The following MDGA2 variants were observed in gnomAD, a reference collection of about 807,000 sequenced individuals.
The protein encoded by MDGA2 is MAM domain containing glycosylphosphatidylinositol anchor 2, also known as MAM domain-containing glycosylphosphatidylinositol anchor protein 2.
Under a neutral mutation model 117.8 loss-of-function variants are expected in MDGA2, and 40 were observed. That is an observed-to-expected ratio of 0.34 (90% CI 0.26 to 0.44). The LOEUF (loss-of-function observed/expected upper bound fraction) is 0.44. MDGA2 is among the 20% of genes least tolerant of loss of function. The pLI is 1.00. For missense variants in MDGA2, 1,123 were observed against 1,250.6 expected (o/e 0.90, Z 1.54); for synonymous variants, 452 against 439.0 (o/e 1.03, Z -0.37).
chr14:47,510,045 G>A (rs1256912325), intron 1 of MDGA2, among the ~76,000 whole-genome samples: 1 of 152,158 alleles, frequency 6.6e-6, no homozygotes, highest in Non-Finnish European at 1.5e-5. Flanking sequence ...TGTGTCTCAT[G>A]AAAATTCGTA....
At chr14:47,398,345 G>C (rs1295616899) in intron 1 of MDGA2, among the ~76,000 whole-genome samples, 26 of 152,138 alleles carry the variant, frequency 1.7e-4, no homozygotes, top group Non-Finnish European at 1.5e-5. Context: ...AAGCAGTATT[G>C]AGCCAGGCAG....
At chr14:47,348,633 G>A (rs2138342265) in intron 1 of MDGA2, among the ~76,000 whole-genome samples, 1 of 152,244 alleles carries the variant, frequency 6.6e-6, no homozygotes, top group Non-Finnish European at 1.5e-5. Context: ...GCACATTGGA[G>A]GGATGTGACT....
At chr14:47,379,235 A>G (rs1359624534) in intron 1 of MDGA2, among the ~76,000 whole-genome samples, 1 of 152,222 alleles carries the variant, frequency 6.6e-6, no homozygotes. Flanking sequence ...GGAAAGGAAC[A>G]ACTGGTAGCA....
At chr14:47,384,918 C>T (rs529282788) in intron 1 of MDGA2, among the ~76,000 whole-genome samples, 1 of 152,268 alleles carries the variant, frequency 6.6e-6, no homozygotes, top group African/African-American at 2.4e-5. Flanking sequence ...AACCATACAA[C>T]GAATACTTCT....
chr14:47,182,651 C>T (rs887912378), intron 3 of MDGA2, among the ~76,000 whole-genome samples: 1 of 152,194 alleles, frequency 6.6e-6, no homozygotes, highest in Non-Finnish European at 1.5e-5. Flanking sequence ...GTATAGCAGA[C>T]TGAGCAGACT....
chr14:47,207,866 G>C (rs552276633), intron 3 of MDGA2, among the ~76,000 whole-genome samples: 2 of 152,138 alleles, frequency 1.3e-5, no homozygotes, highest in African/African-American at 4.8e-5. Context: ...GAGATTGAAA[G>C]TAGGCTGCTT....
chr14:47,493,863 T>G (rs8019586), intron 1 of MDGA2, among the ~76,000 whole-genome samples: 69,670 of 151,898 alleles, frequency 0.46, 16,192 homozygotes, highest in East Asian at 0.61. Context: ...TCAAGAGATA[T>G]ATATAGATAT....
intron 1 of MDGA2, among the ~76,000 whole-genome samples, chr14:47,469,046 T>C (rs1893662787): frequency 1.3e-5 from 2 of 152,286 alleles, no homozygotes; most frequent in East Asian, 3.9e-4. Context: ...GAAAATTATA[T>C]ACGATGACCT....
chr14:47,549,242 A>T (rs1895529172), intron 1 of MDGA2, among the ~76,000 whole-genome samples: 1 of 152,166 alleles, frequency 6.6e-6, no homozygotes. Flanking sequence ...TCTTTTTGAA[A>T]TTCAATGATT....
chr14:47,674,445 C>A, intron 1 of MDGA2, 72 bp downstream of exon 1: 1 of 1,324,618 alleles, frequency 7.5e-7, no homozygotes, highest in South Asian at 1.3e-5. Context: ...CGGCGCGAGT[C>A]GTGCATTTTC....
At chr14:47,323,231 T>C (rs1367118733) in intron 1 of MDGA2, among the ~76,000 whole-genome samples, 1 of 148,058 alleles carries the variant, frequency 6.8e-6, no homozygotes, top group East Asian at 2.0e-4. Flanking sequence ...TGACTGTATG[T>C]AAAACTGCTA....
chr14:47,636,148 C>T (rs1417974285), intron 1 of MDGA2, among the ~76,000 whole-genome samples: 1 of 152,128 alleles, frequency 6.6e-6, no homozygotes, highest in Admixed American at 6.5e-5. Context: ...TACATCTGAT[C>T]TTTTTATGGT....
intron 4 of MDGA2, among the ~76,000 whole-genome samples, chr14:47,142,444 AAAAC>A (rs150897627): frequency 0.34 from 51,613 of 150,674 alleles, 9,583 homozygotes; most frequent in African/African-American, 0.49. Flanking sequence ...CTCCATCTCA[AAAAC>A]AAACAAACAA....
intron 1 of MDGA2, among the ~76,000 whole-genome samples, chr14:47,485,759 T>C (rs2138643308): frequency 6.6e-6 from 1 of 152,286 alleles, no homozygotes; most frequent in Non-Finnish European, 1.5e-5. Context: ...GCTTGGGCCA[T>C]GGCTTAAAGG....
At chr14:47,154,452 G>A (rs1883286842) in intron 3 of MDGA2, among the ~76,000 whole-genome samples, 1 of 152,078 alleles carries the variant, frequency 6.6e-6, no homozygotes, top group Non-Finnish European at 1.5e-5. Context: ...CCCAGGCACA[G>A]CTGCAGCCAC....
chr14:47,184,110 ATATG>A (rs937785747), intron 3 of MDGA2, among the ~76,000 whole-genome samples: 13 of 151,930 alleles, frequency 8.6e-5, no homozygotes, highest in Non-Finnish European at 1.9e-4. Flanking sequence ...GTGTATGTGT[ATATG>A]TGTGTATGTA....
Position 47,086,391 on chromosome 14 carries a change from T to C in MDGA2, c.1195+10463A>G, listed in dbSNP as rs149673743. On this transcript the variant is annotated intron_variant, in intron 6 of 16. Transcript: ENST00000399232. ...CATTGGAAGCATTTAGAATGAGCAC[T>C]GACATTGGAGGAATTTGAACAGAAT... 7.4e-3 allele frequency among the ~76,000 whole-genome samples: 1,131 copies of C among 152,196 alleles called. 13 individuals carry two copies. Among genetic ancestry groups the C allele is most frequent in the African/African-American group, 0.026 (1,081 of 41,540 alleles).
chr14:47,285,030 T>C (rs1888625594), intron 2 of MDGA2, among the ~76,000 whole-genome samples: 1 of 152,162 alleles, frequency 6.6e-6, no homozygotes, highest in Non-Finnish European at 1.5e-5. Context: ...ACCAACTCTA[T>C]TAACTAACAT....
At chr14:47,440,840 C>A (rs1265162819) in intron 1 of MDGA2, among the ~76,000 whole-genome samples, 1 of 151,950 alleles carries the variant, frequency 6.6e-6, no homozygotes, top group African/African-American at 2.4e-5. Flanking sequence ...GGTATCATTA[C>A]GTAAAAAAAA....
Sources: allele counts gnomAD v4.1 joint callset (sites outside exome capture counted in the v4.1 genomes callset), GRCh38; gene constraint gnomAD v4.1.1; transcripts MANE v1.5; gene names NCBI Gene and HGNC (gene_info 2026-07-23, HGNC 2026-07-21).